The following DCC variants were observed in gnomAD, a reference collection of about 807,000 sequenced individuals.
The protein encoded by DCC is netrin receptor DCC.
DCC carries 58 observed loss-of-function variants against 172.5 expected under a neutral mutation model. The observed-to-expected ratio is 0.34, with a 90% CI of 0.27 to 0.42. The LOEUF (loss-of-function observed/expected upper bound fraction) is 0.42. Among genes scored for constraint, DCC ranks in the 10% least tolerant of loss-of-function variants. The pLI is 1.00. For synonymous variants in DCC, 709 were observed against 644.5 expected, an observed-to-expected ratio of 1.10 and a Z score of -1.52; for missense variants, 1,740 against 1,791.0, an observed-to-expected ratio of 0.97 and a Z score of 0.51.
chr18:52,345,155 C>G (rs923564408), intron 1 of DCC, among the ~76,000 whole-genome samples: 4 of 152,322 alleles, frequency 2.6e-5, no homozygotes, highest in African/African-American at 9.6e-5. Flanking sequence ...AGATGATAAT[C>G]TCTTAGATGA....
At chr18:52,799,646 T>C (rs1295346673) in intron 2 of DCC, among the ~76,000 whole-genome samples, 1 of 152,196 alleles carries the variant, frequency 6.6e-6, no homozygotes, top group Non-Finnish European at 1.5e-5. Context: ...CTGGCACCCA[T>C]GAATCAGTAT....
chr18:52,777,088 A>G (rs73463764), intron 2 of DCC, among the ~76,000 whole-genome samples: 3,428 of 152,258 alleles, frequency 0.023, 127 homozygotes, highest in African/African-American at 0.078. Flanking sequence ...TTACCTTATA[A>G]AATGTTATTT....
intron 7 of DCC, among the ~76,000 whole-genome samples, chr18:53,101,336 G>A (rs2043169734): frequency 6.6e-6 from 1 of 152,040 alleles, no homozygotes; most frequent in African/African-American, 2.4e-5. Flanking sequence ...ATGAGTAGGG[G>A]CCTGCAGAAA....
At chr18:52,797,596 T>C (rs1410843150) in intron 2 of DCC, among the ~76,000 whole-genome samples, 1 of 152,072 alleles carries the variant, frequency 6.6e-6, no homozygotes, top group Non-Finnish European at 1.5e-5. Flanking sequence ...TTGATGGGGG[T>C]GGGAACATCA....
At chr18:53,008,119 GTCTCC>G (rs1309521630) in intron 5 of DCC, among the ~76,000 whole-genome samples, 6 of 151,598 alleles carry the variant, frequency 4.0e-5, no homozygotes, top group Non-Finnish European at 1.5e-5. Context: ...TTTTAGGACT[GTCTCC>G]TGAGAAATCT....
chr18:52,903,879 T>C (rs553569287), intron 2 of DCC, among the ~76,000 whole-genome samples: 1 of 152,346 alleles, frequency 6.6e-6, no homozygotes, highest in African/African-American at 2.4e-5. Flanking sequence ...TAGATTAACG[T>C]ACTTCTTTGG....
chr18:53,031,028 G>A (rs1365756178), intron 5 of DCC, among the ~76,000 whole-genome samples: 1 of 152,176 alleles, frequency 6.6e-6, no homozygotes, highest in African/African-American at 2.4e-5. Context: ...AGAGGCTGAG[G>A]CAGATGGATC....
At chr18:52,406,515 A>G (rs951879540) in intron 1 of DCC, among the ~76,000 whole-genome samples, 1 of 152,114 alleles carries the variant, frequency 6.6e-6, no homozygotes. Context: ...TACTAAGCCT[A>G]TGACAGCATT....
chr18:53,149,487 C>T (rs181875761), intron 7 of DCC, among the ~76,000 whole-genome samples: 3 of 152,250 alleles, frequency 2.0e-5, no homozygotes, highest in Admixed American at 2.0e-4. Context: ...AATTGCAGTT[C>T]GCTAGTCAAA....
intron 9 of DCC, among the ~76,000 whole-genome samples, chr18:53,199,064 A>T (rs866556507): frequency 1.0e-4 from 15 of 146,132 alleles, no homozygotes; most frequent in South Asian, 2.3e-4. Context: ...ATTGTTAAAA[A>T]TTTTTTTTCT....
At position 52,426,296 on chromosome 18, in the gene DCC, ATT is replaced by A. The variant is rs59755014; in HGVS notation, c.91+85434_91+85435del. ...TACTAAAGTCAGCTGTAGTGCCAGA[ATT>A]TTTTTTTTTTTTTTTGGCATCGCTT... On this transcript the variant is annotated intron_variant, in intron 1 of 28. Transcript: ENST00000442544. 9.2e-3 allele frequency among the ~76,000 whole-genome samples: 1,302 copies of A among 141,960 alleles called. 27 individuals are homozygous for A. Among genetic ancestry groups the A allele is most frequent in the Admixed American group, 0.052 (734 of 14,250 alleles). 93.1% of individuals were successfully genotyped at this position (141,960 alleles called of 152,430 possible). A position where few individuals can be genotyped will look rare whatever the true frequency, so the allele number is the denominator to read the frequency against.
At chr18:53,159,249 C>G (rs935828226) in intron 8 of DCC, among the ~76,000 whole-genome samples, 2 of 152,036 alleles carry the variant, frequency 1.3e-5, no homozygotes, top group Admixed American at 6.6e-5. Flanking sequence ...AAAACATACT[C>G]ACTTTCTCCT....
chr18:52,987,298 AAAAC>A (rs1000654526), intron 5 of DCC, among the ~76,000 whole-genome samples: 10 of 152,292 alleles, frequency 6.6e-5, no homozygotes, highest in East Asian at 3.9e-4. Context: ...ACCAAAAACA[AAAAC>A]AAACAAACAA....
chr18:53,474,425 G>C (rs1191024424), intron 25 of DCC, among the ~76,000 whole-genome samples: 2 of 152,158 alleles, frequency 1.3e-5, no homozygotes, highest in African/African-American at 2.4e-5. Context: ...TGGTTTGGCT[G>C]TGTCCCCACC....
chr18:53,065,842 G>GC (rs1249216528), intron 6 of DCC, among the ~76,000 whole-genome samples: 1 of 152,092 alleles, frequency 6.6e-6, no homozygotes, highest in Non-Finnish European at 1.5e-5. Flanking sequence ...TTAAACTGAT[G>GC]CCTGTGAATT....
chr18:52,935,121 C>G (rs1440718061), intron 5 of DCC, among the ~76,000 whole-genome samples: 1 of 152,064 alleles, frequency 6.6e-6, no homozygotes, highest in East Asian at 1.9e-4. Context: ...CTTATATTAT[C>G]AACATTGCTT....
chr18:52,602,254 GC>G (rs1186091663), intron 1 of DCC, among the ~76,000 whole-genome samples: 4 of 152,016 alleles, frequency 2.6e-5, no homozygotes, highest in Non-Finnish European at 5.9e-5. Context: ...AAAATAGAAA[GC>G]CTTGATTTGT....
chr18:53,315,062 C>T (rs2057327340), intron 13 of DCC, among the ~76,000 whole-genome samples: 2 of 152,134 alleles, frequency 1.3e-5, no homozygotes, highest in South Asian at 4.1e-4. Context: ...TTGCTGCACC[C>T]ATTAACCCGT....
chr18:53,107,405 G>C (rs2043264979), intron 7 of DCC, among the ~76,000 whole-genome samples: 1 of 151,398 alleles, frequency 6.6e-6, no homozygotes, highest in Non-Finnish European at 1.5e-5. Flanking sequence ...CCTTTCAAAA[G>C]AGAATTTCTG....
Sources: gnomAD v4.1 joint callset for allele counts (sites outside exome capture counted in the v4.1 genomes callset) on GRCh38, gnomAD v4.1.1 for gene constraint, MANE v1.5 for transcripts, NCBI Gene and HGNC (gene_info 2026-07-23, HGNC 2026-07-21) for gene names.